Variants in PCNX4 observed in about 807,000 individuals in gnomAD.
The protein encoded by PCNX4 is pecanex 4.
A neutral mutation model predicts 107.2 loss-of-function variants in PCNX4; 103 were observed. The ratio of observed to expected loss-of-function variants is 0.96; its 90% confidence interval spans 0.82 to 1.13. PCNX4 has a LOEUF of 1.13. Among genes scored for constraint, PCNX4 ranks in the 50% most tolerant of loss-of-function variants. The pLI is 0.00. For missense variants in PCNX4, 1,528 were observed against 1,379.4 expected (o/e 1.11, Z -1.71); for synonymous variants, 541 against 481.7 (o/e 1.12, Z -1.61).
At position 60,115,098 on chromosome 14, in the gene PCNX4, A is replaced by G. The variant is rs964252442; in HGVS notation, c.994A>G (p.Met332Val). 1 of 1,613,904 alleles carries G rather than the reference A, an allele frequency of 6.2e-7. No individual in the cohort carries two copies. The highest frequency in any genetic ancestry group is 8.5e-7 in the Non-Finnish European group (1 of 1,179,860). ...CTTGCTGAGTCTGAACTTAAGTGAT[A>G]TGGGTCACAAAATTGGAACCAAATC... The part of the protein sequence containing the change: ...GFLLSLNLSD[M>V]GHKIGTKSKD... Residue 332 changes from methionine to valine, a missense_variant, in exon 4 of 11, where the codon ATG becomes GTG. Coordinates refer to ENST00000406854, the MANE Select transcript of PCNX4 (RefSeq NM_001330177.2).
At chr14:60,104,931 C>G (rs925623248) in intron 1 of PCNX4, among the ~76,000 whole-genome samples, 6 of 152,174 alleles carry the variant, frequency 3.9e-5, no homozygotes, top group Non-Finnish European at 7.3e-5. Context: ...ATGCCGTATA[C>G]TAATACGTGT....
chr14:60,122,305 A>G (rs1895970215), intron 8 of PCNX4, among the ~76,000 whole-genome samples: 1 of 152,124 alleles, frequency 6.6e-6, no homozygotes, highest in Non-Finnish European at 1.5e-5. Context: ...CTGTAGTCAA[A>G]ACCCTGCAGT....
chr14:60,103,599 G>C (rs910470146), intron 1 of PCNX4, among the ~76,000 whole-genome samples: 2 of 152,102 alleles, frequency 1.3e-5, no homozygotes, highest in African/African-American at 4.8e-5. Flanking sequence ...CATTCTCTTT[G>C]TGCTTCTTGG....
At position 60,092,405 on chromosome 14, in the gene PCNX4, C is replaced by CG. The variant is rs1289669978; in HGVS notation, c.-68_-67insG. ...GGGATGCCTTCGCGTCTTCTCTTCC[C>CG]TCGGGTGACTTGAGGTACGTTCGTT... On this transcript the variant is annotated 5_prime_UTR_variant, in exon 1 of 11. An upstream open reading frame in the 5' UTR loses its in-frame stop. Coordinates refer to ENST00000406854, the MANE Select transcript of PCNX4 (RefSeq NM_001330177.2). 2.0e-5 allele frequency: 3 copies of CG among 152,316 alleles called. No individual in the cohort carries two copies. The highest frequency in any genetic ancestry group is 2.0e-4 in the Admixed American group (3 of 15,286). 9.4% of individuals were successfully genotyped at this position (152,316 alleles called of 1,614,324 possible).
intron 2 of PCNX4, among the ~76,000 whole-genome samples, chr14:60,113,862 T>C (rs541345577): frequency 1.3e-5 from 2 of 152,346 alleles, no homozygotes; most frequent in South Asian, 4.1e-4. Flanking sequence ...ATATTGATAA[T>C]GTTTGTACTC....
At chr14:60,094,071 T>C (rs564250665) in intron 1 of PCNX4, among the ~76,000 whole-genome samples, 5 of 152,358 alleles carry the variant, frequency 3.3e-5, no homozygotes, top group Non-Finnish European at 7.3e-5. Context: ...ATTATTGAAT[T>C]GTAAGAGTTC....
intron 10 of PCNX4, among the ~76,000 whole-genome samples, chr14:60,129,049 C>A (rs997236284): frequency 6.6e-6 from 1 of 151,516 alleles, no homozygotes; most frequent in Non-Finnish European, 1.5e-5. Flanking sequence ...CTTGTCTCTA[C>A]TAAAACTACA....
Position 60,144,749 on chromosome 14 carries a change from T to A in PCNX4, c.*10528T>A. On this transcript the variant is annotated 3_prime_UTR_variant, in exon 11 of 11. Coordinates refer to ENST00000406854, the MANE Select transcript of PCNX4 (RefSeq NM_001330177.2). Reference sequence around the variant, plus strand: ...GCTAAAGTATTTTAAAAGGTTATTTTATCCAAGAATATAGTATGAGTTAAT... The same window carrying A: ...GCTAAAGTATTTTAAAAGGTTATTTAATCCAAGAATATAGTATGAGTTAAT... 1 of 496,268 alleles carries A rather than the reference T, an allele frequency of 2.0e-6. No individual in the cohort carries two copies. The highest frequency in any genetic ancestry group is 3.5e-6 in the Non-Finnish European group (1 of 286,036). The allele number at this position is 496,268 out of a possible 1,614,324, so 30.7% of individuals were successfully genotyped here.
Position 60,108,088 on chromosome 14 carries a change from G to T in PCNX4, c.450G>T (p.Ala150=), listed in dbSNP as rs376702124. The change falls in exon 2 of 11, where the codon GCG becomes GCT. Residue 150 remains alanine (A), a synonymous_variant. Coordinates refer to ENST00000406854, the MANE Select transcript of PCNX4 (RefSeq NM_001330177.2). Reference sequence around the variant, plus strand: ...TTCATTCTATTCTTGCTGGATTAGCGTGTGGTCTTGGAACATGGTATCTGC... The same window carrying T: ...TTCATTCTATTCTTGCTGGATTAGCTTGTGGTCTTGGAACATGGTATCTGC... ...TVFHSILAGL[A]CGLGTWYLLP... 3.7e-6 allele frequency: 6 copies of T among 1,612,814 alleles called. No individual in the cohort carries two copies. The highest frequency in any genetic ancestry group is 5.1e-6 in the Non-Finnish European group (6 of 1,179,860).
chr14:60,102,344 A>T (rs553956846), intron 1 of PCNX4, among the ~76,000 whole-genome samples: 88 of 152,014 alleles, frequency 5.8e-4, no homozygotes, highest in African/African-American at 2.1e-3. Context: ...TCACTACAAC[A>T]TCTCAAAATT....
rs772123564 is a variant in PCNX4, at chr14:60,144,894, A to G, written c.*10673A>G. ...ACAAATTAGTCTTTGATTATTCAGA[A>G]GCATAAGAAGATTGCTGTTTTCATG... On this transcript the variant is annotated 3_prime_UTR_variant, in exon 11 of 11. Coordinates refer to ENST00000406854, the MANE Select transcript of PCNX4 (RefSeq NM_001330177.2). The G allele has an allele frequency of 8.0e-7, 1 of 1,243,346 alleles. No individual in the cohort carries two copies. Among genetic ancestry groups the G allele is most frequent in the South Asian group, 1.2e-5 (1 of 80,612 alleles). The allele number at this position is 1,243,346 out of a possible 1,614,324, so 77.0% of individuals were successfully genotyped here. A position where few individuals can be genotyped will look rare whatever the true frequency, so the allele number is the denominator to read the frequency against.
chr14:60,114,581 T>G, intron 2 of PCNX4, 119 bp from the exon 3 acceptor site: 1 of 716,430 alleles, frequency 1.4e-6, no homozygotes, highest in Non-Finnish European at 2.2e-6. Flanking sequence ...TTCTGTGGTG[T>G]GTGTGTGTGG....
chr14:60,103,726 T>C (rs1240003742), intron 1 of PCNX4, among the ~76,000 whole-genome samples: 15 of 152,194 alleles, frequency 9.9e-5, no homozygotes, highest in Admixed American at 9.2e-4. Context: ...ATGATGGAGA[T>C]TAAAGCATAG....
chr14:60,130,987 A>T (rs1896144608), intron 10 of PCNX4, among the ~76,000 whole-genome samples: 1 of 151,976 alleles, frequency 6.6e-6, no homozygotes, highest in South Asian at 2.1e-4. Flanking sequence ...CCATGATGGG[A>T]TTAGTGCCCT....
intron 10 of PCNX4, among the ~76,000 whole-genome samples, chr14:60,127,365 A>G (rs1896074956): frequency 6.6e-6 from 1 of 152,188 alleles, no homozygotes; most frequent in African/African-American, 2.4e-5. Context: ...CTGTGGAGCA[A>G]TTTATGCCCC....
chr14:60,093,889 A>G (rs219298), intron 1 of PCNX4, among the ~76,000 whole-genome samples: 114,424 of 152,132 alleles, frequency 0.75, 45,030 homozygotes, highest in Non-Finnish European at 0.87. Context: ...CCAGTCAAGG[A>G]GGTTTGAAAT....
Position 60,134,219 on chromosome 14 carries a change from T to G in PCNX4, c.3517T>G (p.Ter1173GluextTer4). ...SSKPLHIHLY[*>E] is the part of the protein sequence containing the mutation. ...AAAACCTCTCCACATACATTTGTAT[T>G]AGAGCTCATTTTGACTGTAATGTCA... The change falls in exon 11 of 11, where the codon TAG (stop) becomes GAG (glutamate). Residue 1173 changes from the stop codon to glutamate (E), a stop_lost. Transcript: ENST00000406854. 3 of 1,612,876 alleles carry G rather than the reference T, an allele frequency of 1.9e-6. No homozygotes were observed. Among genetic ancestry groups the G allele is most frequent in the Non-Finnish European group, 2.5e-6 (3 of 1,179,194 alleles).
rs1178928289 is a variant in PCNX4 at position 60,125,146 on chromosome 14, C to G, written c.2975C>G (p.Pro992Arg). ...GGAATAGACAATATGGCTCCTAGTC[C>G]TGGTCATATATTGAGAGTTTACGGT... is the stretch of plus-strand genomic sequence containing the variant. ...LFGIDNMAPS[P>R]GHILRVYGGV... Residue 992 changes from proline (P) to arginine (R), a missense_variant, in exon 9 of 11, where the codon CCT becomes CGT. Physicochemically the swap from Pro to Arg is moderately radical, Grantham distance 103. Transcript: ENST00000406854. 3.7e-6 allele frequency: 6 copies of G among 1,612,606 alleles called. No individual in the cohort carries two copies. In the Admixed American group the frequency reaches 5.0e-5, roughly 13 times the overall value.
Position 60,104,107 on chromosome 14 carries a change from T to C in PCNX4, c.-53-3479T>C, listed in dbSNP as rs574664799. Among the ~76,000 whole-genome samples the C allele has an allele frequency of 2.0e-3, 311 of 151,736 alleles. 2 individuals carry two copies. The highest frequency in any genetic ancestry group is 3.3e-3 in the Non-Finnish European group (222 of 67,916). ...AGGCCGAGGCGGGCAGATCATGAGG[T>C]CAGGAGTTCAAGACCAGCCTGACCA... is the stretch of plus-strand genomic sequence containing the variant. On this transcript the variant is annotated intron_variant, in intron 1 of 10. Coordinates refer to ENST00000406854, the MANE Select transcript of PCNX4 (RefSeq NM_001330177.2).
Sources: allele counts gnomAD v4.1 joint callset (sites outside exome capture counted in the v4.1 genomes callset), GRCh38; gene constraint gnomAD v4.1.1; transcripts MANE v1.5; gene names NCBI Gene and HGNC (gene_info 2026-07-23, HGNC 2026-07-21).